Variants in TRIM44 observed in about 807,000 individuals in gnomAD.
The protein encoded by TRIM44 is tripartite motif containing 44.
In TRIM44, 13 loss-of-function variants were observed where a neutral mutation model predicts 37.4. The observed-to-expected ratio is 0.35, with a 90% confidence interval of 0.23 to 0.55. TRIM44 has a LOEUF of 0.55. Among genes scored for constraint, TRIM44 ranks in the 20% least tolerant of loss-of-function variants. TRIM44 has a pLI of 0.89. For synonymous variants in TRIM44, 175 were observed against 157.2 expected, an observed-to-expected ratio of 1.11 and a Z score of -0.85; for missense variants, 426 against 437.2, an observed-to-expected ratio of 0.97 and a Z score of 0.23.
At chr11:35,707,290 C>G (rs1851899088) in intron 2 of TRIM44, among the ~76,000 whole-genome samples, 1 of 152,186 alleles carries the variant, frequency 6.6e-6, no homozygotes, top group Admixed American at 6.5e-5. Flanking sequence ...AAGAACATTC[C>G]ATGCTCATGG....
At chr11:35,727,276 CCTT>C (rs1852188826) in intron 3 of TRIM44, among the ~76,000 whole-genome samples, 1 of 151,976 alleles carries the variant, frequency 6.6e-6, no homozygotes, top group African/African-American at 2.4e-5. Flanking sequence ...TAGGGTAGGT[CCTT>C]CTAGAAAAAA....
At chr11:35,795,694 G>GT (rs150864356) in intron 4 of TRIM44, among the ~76,000 whole-genome samples, 1,778 of 151,198 alleles carry the variant, frequency 0.012, 37 homozygotes, top group African/African-American at 0.041. Context: ...AACTCTTCCC[G>GT]TTTTTTTTTA....
chr11:35,740,607 G>A (rs979459775), intron 4 of TRIM44, among the ~76,000 whole-genome samples: 2 of 152,182 alleles, frequency 1.3e-5, no homozygotes, highest in Non-Finnish European at 2.9e-5. Flanking sequence ...CGATCAAACA[G>A]GAAGCGTGTT....
At chr11:35,779,153 C>T (rs1325642248) in intron 4 of TRIM44, among the ~76,000 whole-genome samples, 1 of 152,178 alleles carries the variant, frequency 6.6e-6, no homozygotes, top group Non-Finnish European at 1.5e-5. Flanking sequence ...TGGATGCCCT[C>T]CCCCAGCCTT....
At chr11:35,735,476 A>C in intron 4 of TRIM44, 31 bp downstream of exon 4, 1 of 1,612,296 alleles carries the variant, frequency 6.2e-7, no homozygotes, top group East Asian at 2.2e-5. Flanking sequence ...GTCTTTTCTC[A>C]TAATTGAAGT....
rs917324959 is a variant in TRIM44, at chr11:35,816,471, A to C, written c.*10086A>C. ...ACAGTATAAACACAACTGGCATCAGATAATACAATGTAATTGATTTTATGT... is the reference window on the plus strand; with the variant it reads ...ACAGTATAAACACAACTGGCATCAGCTAATACAATGTAATTGATTTTATGT... On this transcript the variant is annotated 3_prime_UTR_variant, in exon 5 of 5. Transcript: ENST00000299413. 2.6e-5 allele frequency: 4 copies of C among 152,238 alleles called. No individual in the cohort carries two copies. The highest frequency in any genetic ancestry group is 6.5e-5 in the Admixed American group (1 of 15,284). 9.4% of individuals were successfully genotyped at this position (152,238 alleles called of 1,614,324 possible). A position where few individuals can be genotyped will look rare whatever the true frequency, so the allele number is the denominator to read the frequency against.
intron 4 of TRIM44, among the ~76,000 whole-genome samples, chr11:35,783,325 G>A (rs1853089015): frequency 6.6e-6 from 1 of 152,128 alleles, no homozygotes; most frequent in South Asian, 2.1e-4. Flanking sequence ...TCTCCCTGTA[G>A]ATCCAGCGAA....
rs1428067298 is a variant in TRIM44, at chr11:35,814,253, G to A, written c.*7868G>A. On this transcript the variant is annotated 3_prime_UTR_variant, in exon 5 of 5. Transcript: ENST00000299413. ...TTGCTGTAAGAAGAATAAACGTTAT[G>A]TAGATATAATACCAGCGTGACAGCT... 1 of 152,174 alleles carries A rather than the reference G, an allele frequency of 6.6e-6. No individual in the cohort carries two copies. The highest frequency in any genetic ancestry group is 2.4e-5 in the African/African-American group (1 of 41,438). 9.4% of individuals were successfully genotyped at this position (152,174 alleles called of 1,614,324 possible). A position where few individuals can be genotyped will look rare whatever the true frequency, so the allele number is the denominator to read the frequency against.
At chr11:35,675,934 A>G (rs1387857163) in intron 1 of TRIM44, among the ~76,000 whole-genome samples, 1 of 152,128 alleles carries the variant, frequency 6.6e-6, no homozygotes, top group African/African-American at 2.4e-5. Context: ...GGAGACTGGG[A>G]AACAGTCATT....
At chr11:35,683,054 A>T (rs1851537840) in intron 1 of TRIM44, among the ~76,000 whole-genome samples, 1 of 152,130 alleles carries the variant, frequency 6.6e-6, no homozygotes, top group African/African-American at 2.4e-5. Flanking sequence ...AGCAGGTTAG[A>T]GGAATGATAT....
chr11:35,759,137 C>T (rs949475995), intron 4 of TRIM44, among the ~76,000 whole-genome samples: 1 of 152,214 alleles, frequency 6.6e-6, no homozygotes, highest in African/African-American at 2.4e-5. Flanking sequence ...TCAGGTACAC[C>T]AGTGAGACAC....
At chr11:35,688,004 A>G (rs541424316) in intron 2 of TRIM44, among the ~76,000 whole-genome samples, 60 of 152,356 alleles carry the variant, frequency 3.9e-4, no homozygotes, top group African/African-American at 1.4e-3. Context: ...GGTAAAAAAC[A>G]GGCCACTTAA....
intron 4 of TRIM44, among the ~76,000 whole-genome samples, chr11:35,804,747 C>G (rs1185193724): frequency 6.6e-6 from 1 of 152,136 alleles, no homozygotes; most frequent in Non-Finnish European, 1.5e-5. Context: ...CAGCATGCAC[C>G]CTTCATCCCA....
chr11:35,751,030 T>C lies in TRIM44; in HGVS notation c.1007+15585T>C, dbSNP rs189009586. ...TTTTGTCTTAATAATGTGATTTTTT[T>C]CCTATTTTTAGTAATAACAACGCAG... On this transcript the variant is annotated intron_variant, in intron 4 of 4. Coordinates refer to ENST00000299413, the MANE Select transcript of TRIM44 (RefSeq NM_017583.6). Among the ~76,000 whole-genome samples the C allele has an allele frequency of 7.2e-3, 1,089 of 152,296 alleles. 11 individuals carry two copies. Among genetic ancestry groups the C allele is most frequent in the African/African-American group, 0.022 (918 of 41,560 alleles).
intron 4 of TRIM44, among the ~76,000 whole-genome samples, chr11:35,793,878 T>G (rs111322526): frequency 6.6e-6 from 1 of 152,054 alleles, no homozygotes; most frequent in East Asian, 1.9e-4. Context: ...TAAAATGGAG[T>G]GTTAATGCTG....
chr11:35,806,041 T>C (rs1853443005), intron 4 of TRIM44, among the ~76,000 whole-genome samples: 1 of 152,166 alleles, frequency 6.6e-6, no homozygotes, highest in Non-Finnish European at 1.5e-5. Flanking sequence ...TTTAAAAGAA[T>C]TATGACTCTC....
intron 4 of TRIM44, among the ~76,000 whole-genome samples, chr11:35,776,531 C>T (rs1249502176): frequency 6.6e-6 from 1 of 152,104 alleles, no homozygotes; most frequent in Non-Finnish European, 1.5e-5. Context: ...TGCTTCTTTA[C>T]TTCTTTTAAT....
At position 35,721,880 on chromosome 11, in the gene TRIM44, T is replaced by C. The variant is rs191092012; in HGVS notation, c.748-4044T>C. 6.7e-3 allele frequency among the ~76,000 whole-genome samples: 1,023 copies of C among 152,292 alleles called. 7 individuals are homozygous for C. The highest frequency in any genetic ancestry group is 0.011 in the Non-Finnish European group (752 of 68,002). On this transcript the variant is annotated intron_variant, in intron 2 of 4. Transcript: ENST00000299413. The stretch of plus-strand genomic sequence containing the variant: ...ACTGATACACAAAAGACACAAGAAA[T>C]AGGAGATCTTGCCATCCATTGAAAA...
Position 35,754,508 on chromosome 11 carries a change from TA to T in TRIM44, c.1007+19064del, listed in dbSNP as rs1041673025. On this transcript the variant is annotated intron_variant, in intron 4 of 4. Transcript: ENST00000299413. ...TCCTTCAATCTTTATAGTTTATTTT[TA>T]TTTTTTTTATTATACTTTAAGTTTT... is the stretch of plus-strand genomic sequence containing the variant. 5.5e-4 allele frequency among the ~76,000 whole-genome samples: 84 copies of T among 152,278 alleles called. 1 individual carries two copies. The highest frequency in any genetic ancestry group is 1.8e-3 in the African/African-American group (75 of 41,528).
Sources: allele counts gnomAD v4.1 joint callset (sites outside exome capture counted in the v4.1 genomes callset), GRCh38; gene constraint gnomAD v4.1.1; transcripts MANE v1.5; gene names NCBI Gene and HGNC (gene_info 2026-07-23, HGNC 2026-07-21).